KIF13A: variants seen among roughly 807,000 people sequenced by gnomAD.
The protein encoded by KIF13A is kinesin-like protein KIF13A.
KIF13A carries 79 observed loss-of-function variants against 212.2 expected under a neutral mutation model. The observed-to-expected ratio is 0.37, with a 90% CI of 0.31 to 0.45. The LOEUF (loss-of-function observed/expected upper bound fraction) is 0.45. KIF13A is among the 20% of genes least tolerant of loss of function. The probability of loss-of-function intolerance (pLI) is 1.00; values close to 1 mark genes in which losing one functional copy is unlikely to be tolerated. For synonymous variants in KIF13A, 789 were observed against 808.6 expected, an observed-to-expected ratio of 0.98 and a Z score of 0.41; for missense variants, 1,901 against 2,209.0, an observed-to-expected ratio of 0.86 and a Z score of 2.79.
intron 9 of KIF13A, among the ~76,000 whole-genome samples, chr6:17,842,420 T>C (rs1039361617): frequency 1.3e-5 from 2 of 152,156 alleles, no homozygotes; most frequent in African/African-American, 2.4e-5. Flanking sequence ...CACTAAGTAT[T>C]GATCCTGCTA....
intron 2 of KIF13A, among the ~76,000 whole-genome samples, chr6:17,957,786 A>G (rs925104962): frequency 6.6e-6 from 1 of 152,236 alleles, no homozygotes; most frequent in Non-Finnish European, 1.5e-5. Context: ...GTGTGAGAGC[A>G]GAGGGAAAAC....
At position 17,828,428 on chromosome 6, in the gene KIF13A, T is replaced by C; in HGVS notation, c.1402-58A>G. 4.1e-6 allele frequency: 6 copies of C among 1,477,360 alleles called. No individual in the cohort carries two copies. Among genetic ancestry groups the C allele is most frequent in the South Asian group, 1.2e-5 (1 of 81,900 alleles). 91.5% of individuals were successfully genotyped at this position (1,477,360 alleles called of 1,614,324 possible). A position where few individuals can be genotyped will look rare whatever the true frequency, so the allele number is the denominator to read the frequency against. ...ACATTTATGAGTAACTCAGCAAAAA[T>C]GTATCACAATCAATTTGAATAACGC... On this transcript the variant is annotated intron_variant, in intron 13 of 38. Transcript: ENST00000259711. This position sits in a 1 kb window ranked among gnomAD's most constrained non-coding sequence, Gnocchi z 4.3.
intron 2 of KIF13A, among the ~76,000 whole-genome samples, chr6:17,979,203 G>C (rs551879247): frequency 6.6e-6 from 1 of 152,314 alleles, no homozygotes; most frequent in Middle Eastern, 3.4e-3. Context: ...TGAGGCACAA[G>C]AATCGATTGA....
rs1561842800 is a variant in KIF13A at position 17,987,194 on chromosome 6, A to G, written c.56-50T>C. 3 of 1,430,526 alleles carry G rather than the reference A, an allele frequency of 2.1e-6. No homozygotes were observed. In the South Asian group the frequency reaches 3.8e-5, roughly 18 times the overall value. The allele number at this position is 1,430,526 out of a possible 1,614,324, so 88.6% of individuals were successfully genotyped here. Reference sequence around the variant, plus strand: ...TGCAAAGTCCAGCATCCGCGCCTCCAGCCCGCCCGCCCGCCAGCCGCGCCG... The same window carrying G: ...TGCAAAGTCCAGCATCCGCGCCTCCGGCCCGCCCGCCCGCCAGCCGCGCCG... On this transcript the variant is annotated intron_variant, in intron 1 of 38. Coordinates refer to ENST00000259711, the MANE Select transcript of KIF13A (RefSeq NM_022113.6). This position sits in a 1 kb window ranked among gnomAD's most constrained non-coding sequence, Gnocchi z 7.7.
At chr6:17,831,300 C>T (rs77510670) in intron 12 of KIF13A, 65 bp from the exon 13 acceptor site, 54,911 of 1,555,412 alleles carry the variant, frequency 0.035, 1,143 homozygotes, top group Non-Finnish European at 0.042. Flanking sequence ...GATGTATCCA[C>T]GGAAAGAGTA....
At chr6:17,928,297 T>C (rs760898655) in intron 2 of KIF13A, among the ~76,000 whole-genome samples, 10 of 152,198 alleles carry the variant, frequency 6.6e-5, no homozygotes, top group Non-Finnish European at 1.2e-4. Context: ...TTTTCTAAAA[T>C]GTTCAAAGTA....
chr6:17,984,228 T>C lies in KIF13A; in HGVS notation c.146+2826A>G, dbSNP rs1301149021. ...ACGTTGTATTTTAACTACTTTTTCC[T>C]CTCTCTCCTCCTTCTCTCCAAGGTG... is the stretch of plus-strand genomic sequence containing the variant. On this transcript the variant is annotated intron_variant, in intron 2 of 38. Transcript: ENST00000259711. This position sits in a 1 kb window ranked among gnomAD's most constrained non-coding sequence, Gnocchi z 5.0. Among the ~76,000 whole-genome samples, 1 of 152,200 alleles carries C rather than the reference T, an allele frequency of 6.6e-6. No homozygotes were observed. Among genetic ancestry groups the C allele is most frequent in the Non-Finnish European group, 1.5e-5 (1 of 68,032 alleles).
chr6:17,839,472 A>G lies in KIF13A; in HGVS notation c.831-1889T>C, dbSNP rs554115119. ...GAATATCATTTGGCCATAAAAGGGA[A>G]TAAGTTCAGATACATGTATCACAAC... On this transcript the variant is annotated intron_variant, in intron 9 of 38. Transcript: ENST00000259711. This position sits in a 1 kb window ranked among gnomAD's most constrained non-coding sequence, Gnocchi z 4.3. 2.0e-5 allele frequency among the ~76,000 whole-genome samples: 3 copies of G among 152,328 alleles called. No individual in the cohort carries two copies. Among genetic ancestry groups the G allele is most frequent in the African/African-American group, 7.2e-5 (3 of 41,574 alleles).
intron 38 of KIF13A, chr6:17,770,759 AC>A: frequency 5.1e-6 from 5 of 980,282 alleles, no homozygotes; most frequent in Non-Finnish European, 6.1e-6. Flanking sequence ...AAGTAAGTGC[AC>A]TTCCTCTAGG....
chr6:17,815,502 G>T (rs757213698), intron 17 of KIF13A: 11 of 268,376 alleles, frequency 4.1e-5, no homozygotes, highest in Non-Finnish European at 8.0e-5. Flanking sequence ...TCAGGCACTG[G>T]CCTTACCACT....
At chr6:17,805,424 A>C in intron 19 of KIF13A, 51 bp downstream of exon 19, 3 of 1,465,710 alleles carry the variant, frequency 2.0e-6, no homozygotes, top group Non-Finnish European at 1.9e-6. Context: ...AATCGCTTAT[A>C]TTCTCTGTTT....
Position 17,825,001 on chromosome 6 carries a change from A to T in KIF13A, c.1786+767T>A, listed in dbSNP as rs1464710802. ...CCTCATAAAATCATTCTAGTCCCAG[A>T]AATGTCATCTTGTGGTTGGTAACAG... is the stretch of plus-strand genomic sequence containing the variant. On this transcript the variant is annotated intron_variant, in intron 16 of 38. Coordinates refer to ENST00000259711, the MANE Select transcript of KIF13A (RefSeq NM_022113.6). This position sits in a 1 kb window ranked among gnomAD's most constrained non-coding sequence, Gnocchi z 4.5. Among the ~76,000 whole-genome samples, 2 of 152,152 alleles carry T rather than the reference A, an allele frequency of 1.3e-5. No homozygotes were observed. The highest frequency in any genetic ancestry group is 2.4e-5 in the African/African-American group (1 of 41,448).
chr6:17,938,954 A>G (rs1776724446), intron 2 of KIF13A, among the ~76,000 whole-genome samples: 1 of 152,096 alleles, frequency 6.6e-6, no homozygotes, highest in South Asian at 2.1e-4. Flanking sequence ...CTAGCCTTGC[A>G]TGTCAAAAAC....
rs372444750 is a variant in KIF13A at position 17,837,139 on chromosome 6, C to T, written c.943-49G>A. On this transcript the variant is annotated intron_variant, in intron 10 of 38. Transcript: ENST00000259711. The surrounding 1 kb of genome is among the most constrained non-coding windows in gnomAD (Gnocchi z 5.4). ...CTTAGGAAGCCCATTCCATGGACAA[C>T]ACATATGATAAAAGCACTAAATGTG... 6.7e-7 allele frequency: 1 copy of T among 1,495,184 alleles called. No individual in the cohort carries two copies. The highest frequency in any genetic ancestry group is 1.4e-5 in the African/African-American group (1 of 72,430). 92.6% of individuals were successfully genotyped at this position (1,495,184 alleles called of 1,614,324 possible). A position where few individuals can be genotyped will look rare whatever the true frequency, so the allele number is the denominator to read the frequency against.
At chr6:17,893,593 G>A (rs116670527) in intron 3 of KIF13A, among the ~76,000 whole-genome samples, 1,531 of 151,884 alleles carry the variant, frequency 0.01, 35 homozygotes, top group African/African-American at 0.035. Flanking sequence ...TTGCTTAACT[G>A]CACTGCCTAG....
intron 18 of KIF13A, among the ~76,000 whole-genome samples, chr6:17,806,181 C>A (rs923721982): frequency 6.6e-6 from 1 of 152,140 alleles, no homozygotes; most frequent in African/African-American, 2.4e-5. Context: ...GATCTGCCCA[C>A]CTTGGCCTGC....
chr6:17,935,440 C>T (rs1776371711), intron 2 of KIF13A, among the ~76,000 whole-genome samples: 1 of 152,120 alleles, frequency 6.6e-6, no homozygotes, highest in Non-Finnish European at 1.5e-5. Context: ...AGAAAAACGA[C>T]ACATCCTGCG....
downstream of KIF13A, chr6:17,760,189 C>T (rs1561938840): frequency 1.3e-5 from 2 of 152,128 alleles, no homozygotes; most frequent in Non-Finnish European, 2.9e-5. Flanking sequence ...GAGTGGACAG[C>T]AAAAATGTTG....
chr6:17,837,653 A>G lies in KIF13A; in HGVS notation c.831-70T>C. 9.3e-7 allele frequency: 1 copy of G among 1,074,192 alleles called. No individual in the cohort carries two copies. The highest frequency in any genetic ancestry group is 1.4e-6 in the Non-Finnish European group (1 of 718,694). 66.5% of individuals were successfully genotyped at this position (1,074,192 alleles called of 1,614,324 possible). A position where few individuals can be genotyped will look rare whatever the true frequency, so the allele number is the denominator to read the frequency against. On this transcript the variant is annotated intron_variant, in intron 9 of 38. Coordinates refer to ENST00000259711, the MANE Select transcript of KIF13A (RefSeq NM_022113.6). This position sits in a 1 kb window ranked among gnomAD's most constrained non-coding sequence, Gnocchi z 5.4. ...GGTTTAAGTATAAAATATGCAGAAC[A>G]ATAAAGCTCCACAGTTAATACACGT...
Sources: gnomAD v4.1 joint callset for allele counts (sites outside exome capture counted in the v4.1 genomes callset) on GRCh38, gnomAD v4.1.1 for gene constraint, Gnocchi (gnomAD v3.1) non-coding constraint, MANE v1.5 for transcripts, NCBI Gene and HGNC (gene_info 2026-07-23, HGNC 2026-07-21) for gene names.